Variants in CNTNAP5 observed in about 807,000 individuals in gnomAD.
The protein encoded by CNTNAP5 is contactin associated protein family member 5, also known as contactin-associated protein-like 5.
A neutral mutation model predicts 150.2 loss-of-function variants in CNTNAP5; 72 were observed. That is an observed-to-expected ratio of 0.48 (90% CI 0.40 to 0.58). The LOEUF (loss-of-function observed/expected upper bound fraction) is 0.58, where lower values mean the gene tolerates loss of function less well. Ranked by LOEUF, CNTNAP5 falls within the 20% of genes least tolerant of loss-of-function variation. The pLI, the probability that CNTNAP5 is intolerant of heterozygous loss-of-function variation, is 0.00. For missense variants in CNTNAP5, 1,636 were observed against 1,626.2 expected (o/e 1.01, Z -0.10); for synonymous variants, 672 against 619.8 (o/e 1.08, Z -1.25).
chr2:124,773,952 G>A, intron 17 of CNTNAP5, among the ~76,000 whole-genome samples: 1 of 139,048 alleles, frequency 7.2e-6, no homozygotes, highest in South Asian at 2.1e-4. Context: ...GTGTGTGAGA[G>A]AGAGAGAGAG....
intron 1 of CNTNAP5, among the ~76,000 whole-genome samples, chr2:124,105,443 C>T (rs549106161): frequency 1.3e-5 from 2 of 152,112 alleles, no homozygotes; most frequent in South Asian, 2.1e-4. Flanking sequence ...GAATTTGCAC[C>T]GATGTACACT....
intron 19 of CNTNAP5, among the ~76,000 whole-genome samples, chr2:124,807,178 T>A (rs1467503675): frequency 6.6e-6 from 1 of 152,146 alleles, no homozygotes; most frequent in Non-Finnish European, 1.5e-5. Flanking sequence ...TTACCTTTTG[T>A]CCAGCAAGGA....
intron 10 of CNTNAP5, among the ~76,000 whole-genome samples, chr2:124,530,208 G>A (rs1346061484): frequency 2.0e-5 from 3 of 152,184 alleles, no homozygotes; most frequent in Admixed American, 2.0e-4. Context: ...TACTTGGGAG[G>A]CTGAGACAGA....
At chr2:124,462,517 T>C (rs140789806) in intron 6 of CNTNAP5, among the ~76,000 whole-genome samples, 2 of 152,298 alleles carry the variant, frequency 1.3e-5, no homozygotes, top group African/African-American at 4.8e-5. Context: ...TTGTTTTCAT[T>C]AACATGAACT....
intron 13 of CNTNAP5, among the ~76,000 whole-genome samples, chr2:124,664,519 T>A (rs532784554): frequency 6.6e-5 from 10 of 152,046 alleles, no homozygotes; most frequent in Admixed American, 4.6e-4. Flanking sequence ...GCACCCGGAG[T>A]GATAGAGTAG....
chr2:124,823,550 C>G (rs1360230819), intron 19 of CNTNAP5, among the ~76,000 whole-genome samples: 1 of 152,158 alleles, frequency 6.6e-6, no homozygotes, highest in Non-Finnish European at 1.5e-5. Flanking sequence ...TTCTACTAAT[C>G]AGTAAACATC....
intron 1 of CNTNAP5, among the ~76,000 whole-genome samples, chr2:124,215,391 A>G (rs1291602358): frequency 6.6e-6 from 1 of 152,218 alleles, no homozygotes; most frequent in East Asian, 1.9e-4. Context: ...TAAAGAGTCA[A>G]TGATAATTTC....
intron 1 of CNTNAP5, among the ~76,000 whole-genome samples, chr2:124,164,834 G>C (rs1684772845): frequency 6.6e-6 from 1 of 152,160 alleles, no homozygotes; most frequent in Non-Finnish European, 1.5e-5. Flanking sequence ...AGGTAACTCT[G>C]TAGAGGGTAG....
chr2:124,532,378 A>C (rs1297755326), intron 10 of CNTNAP5, among the ~76,000 whole-genome samples: 2 of 152,152 alleles, frequency 1.3e-5, no homozygotes, highest in Non-Finnish European at 2.9e-5. Context: ...GAGTGGAGTA[A>C]GGTGAGCCAG....
At chr2:124,110,189 T>C (rs1683262442) in intron 1 of CNTNAP5, among the ~76,000 whole-genome samples, 1 of 152,256 alleles carries the variant, frequency 6.6e-6, no homozygotes, top group African/African-American at 2.4e-5. Context: ...TCTGTAAACC[T>C]GACTGTGACA....
chr2:124,228,555 T>C (rs960904152), intron 2 of CNTNAP5, among the ~76,000 whole-genome samples: 9 of 152,160 alleles, frequency 5.9e-5, no homozygotes, highest in African/African-American at 2.2e-4. Flanking sequence ...GTATCTAAGC[T>C]CTGATCACCC....
At position 124,912,021 on chromosome 2, in the gene CNTNAP5, A is replaced by G. The variant is rs141042384; in HGVS notation, c.3727+483A>G. ...ACTGTAGTTGCAAATCTCACTGCAC[A>G]TATGGTTACAGATGCAGACCTTGTC... On this transcript the variant is annotated intron_variant, in intron 23 of 23. Coordinates refer to ENST00000682447, the MANE Select transcript of CNTNAP5 (RefSeq NM_001367498.1). Among the ~76,000 whole-genome samples the G allele has an allele frequency of 4.7e-3, 717 of 152,202 alleles. 4 individuals are homozygous for G. Among genetic ancestry groups the G allele is most frequent in the African/African-American group, 0.016 (674 of 41,572 alleles).
At chr2:124,272,882 C>A (rs1687795546) in intron 3 of CNTNAP5, among the ~76,000 whole-genome samples, 1 of 152,120 alleles carries the variant, frequency 6.6e-6, no homozygotes, top group South Asian at 2.1e-4. Context: ...GTAAAGAATT[C>A]AATGCATGAA....
intron 3 of CNTNAP5, among the ~76,000 whole-genome samples, chr2:124,362,539 C>T (rs1319562656): frequency 6.6e-6 from 1 of 152,038 alleles, no homozygotes; most frequent in Non-Finnish European, 1.5e-5. Context: ...CACTGTTTAC[C>T]TCAGTAACTT....
intron 1 of CNTNAP5, among the ~76,000 whole-genome samples, chr2:124,208,545 T>C (rs1685923733): frequency 6.6e-6 from 1 of 152,182 alleles, no homozygotes; most frequent in Non-Finnish European, 1.5e-5. Flanking sequence ...CCCATGCCCT[T>C]CCCTTCCAGT....
chr2:124,205,726 C>A (rs994117824), intron 1 of CNTNAP5, among the ~76,000 whole-genome samples: 4 of 152,154 alleles, frequency 2.6e-5, no homozygotes, highest in African/African-American at 9.7e-5. Flanking sequence ...TATAAATGAT[C>A]CAGTCTCCAG....
intron 1 of CNTNAP5, among the ~76,000 whole-genome samples, chr2:124,046,443 A>AAAC (rs1681539885): frequency 6.6e-6 from 1 of 151,496 alleles, no homozygotes; most frequent in South Asian, 2.1e-4. Flanking sequence ...GAAAAAAAAA[A>AAAC]AAAAAACAGA....
intron 2 of CNTNAP5, among the ~76,000 whole-genome samples, chr2:124,229,439 T>C (rs1303270109): frequency 6.6e-6 from 1 of 152,124 alleles, no homozygotes; most frequent in African/African-American, 2.4e-5. Context: ...CCAAATAGAA[T>C]TTTTGTTCTC....
chr2:124,557,735 A>G (rs1301393659), intron 10 of CNTNAP5, among the ~76,000 whole-genome samples: 2 of 152,160 alleles, frequency 1.3e-5, no homozygotes, highest in East Asian at 1.9e-4. Flanking sequence ...ACAATGAGGA[A>G]GGTTTGCACA....
Sources: gnomAD v4.1 joint callset for allele counts (sites outside exome capture counted in the v4.1 genomes callset) on GRCh38, gnomAD v4.1.1 for gene constraint, MANE v1.5 for transcripts, NCBI Gene and HGNC (gene_info 2026-07-23, HGNC 2026-07-21) for gene names.